The following ANKRD11 variants were observed in gnomAD, a reference collection of about 807,000 sequenced individuals.
ANKRD11 encodes ankyrin repeat domain-containing protein 11.
Under a neutral mutation model 195.7 loss-of-function variants are expected in ANKRD11, and 17 were observed. The ratio of observed to expected loss-of-function variants is 0.09; its 90% CI spans 0.06 to 0.13. The LOEUF (loss-of-function observed/expected upper bound fraction) is 0.13. Ranked by LOEUF, ANKRD11 falls within the 10% of genes least tolerant of loss-of-function variation. The pLI is 1.00. For missense variants in ANKRD11, 3,735 were observed against 3,566.1 expected (o/e 1.05, Z -1.21); for synonymous variants, 1,953 against 1,528.1 (o/e 1.28, Z -6.49).
chr16:89,481,454 C>T (rs1057183235), intron 1 of ANKRD11, among the ~76,000 whole-genome samples: 29 of 152,122 alleles, frequency 1.9e-4, no homozygotes, highest in African/African-American at 6.5e-4. Flanking sequence ...CCACTCATGA[C>T]GTTGACGCAG....
chr16:89,443,363 G>C (rs1416277833), intron 1 of ANKRD11: 1 of 152,144 alleles, frequency 6.6e-6, no homozygotes. Context: ...GAACAACAGA[G>C]ACGATTACCA....
At position 89,285,057 on chromosome 16, in the gene ANKRD11, A is replaced by G; in HGVS notation, c.1485T>C (p.Ser495=). Residue 495 remains serine (S), a synonymous_variant, in exon 9 of 13, where the codon TCT becomes TCC. Coordinates refer to ENST00000301030, the MANE Select transcript of ANKRD11 (RefSeq NM_013275.6). The surrounding 1 kb of genome is among the most constrained non-coding windows in gnomAD (Gnocchi z 5.6). ...CCTTGAGGCAGCCAGAGCTCCCCAGAGAGTCCCTGTCATCCTCCCCACTCT... is the reference window on the plus strand; with the variant it reads ...CCTTGAGGCAGCCAGAGCTCCCCAGGGAGTCCCTGTCATCCTCCCCACTCT... ...SSESGEDDRD[S]LGSSGCLKGS... is the part of the protein sequence containing the mutation. 1 of 1,613,934 alleles carries G rather than the reference A, an allele frequency of 6.2e-7. No homozygotes were observed. Among genetic ancestry groups the G allele is most frequent in the Non-Finnish European group, 8.5e-7 (1 of 1,180,022 alleles).
chr16:89,437,485 ACT>A (rs1233019200), intron 1 of ANKRD11, among the ~76,000 whole-genome samples: 1 of 150,034 alleles, frequency 6.7e-6, no homozygotes, highest in African/African-American at 2.5e-5. Flanking sequence ...TGTGCCTCCC[ACT>A]CTCTCACTGA....
At chr16:89,450,340 CAG>C (rs1478834647) in intron 1 of ANKRD11, among the ~76,000 whole-genome samples, 10 of 152,292 alleles carry the variant, frequency 6.6e-5, no homozygotes, top group African/African-American at 2.4e-4. Context: ...ACATAAGACT[CAG>C]AGACAGAATG....
At position 89,282,699 on chromosome 16, in the gene ANKRD11, A is replaced by T. The variant is rs746323715; in HGVS notation, c.3843T>A (p.Leu1281=). The T allele has an allele frequency of 1.9e-6, 3 of 1,613,656 alleles. No individual in the cohort carries two copies. Among genetic ancestry groups the T allele is most frequent in the Non-Finnish European group, 2.5e-6 (3 of 1,179,966 alleles). The change falls in exon 9 of 13, where the codon CTT becomes CTA. Residue 1281 remains leucine, a synonymous_variant. Coordinates refer to ENST00000301030, the MANE Select transcript of ANKRD11 (RefSeq NM_013275.6). ...SRSADAEKSL[L]EKLEEEALHE... Reference sequence around the variant, plus strand: ...GGAGAGCCTCTTCTTCCAACTTTTCAAGCAGGCTTTTTTCCGCGTCGGCAC... The same window carrying T: ...GGAGAGCCTCTTCTTCCAACTTTTCTAGCAGGCTTTTTTCCGCGTCGGCAC...
chr16:89,278,826 G>A (rs1193427435), intron 9 of ANKRD11: 3 of 684,452 alleles, frequency 4.4e-6, no homozygotes, highest in Non-Finnish European at 2.6e-6. Context: ...GGGTGAGGGG[G>A]AGGTCAGGAG....
chr16:89,327,188 C>A (rs2037783291), intron 2 of ANKRD11, among the ~76,000 whole-genome samples: 1 of 152,218 alleles, frequency 6.6e-6, no homozygotes, highest in Non-Finnish European at 1.5e-5. Flanking sequence ...CAGTCAACGT[C>A]ACCCAGCATG....
intron 11 of ANKRD11, among the ~76,000 whole-genome samples, chr16:89,273,739 G>C (rs1009286200): frequency 6.6e-6 from 1 of 152,046 alleles, no homozygotes; most frequent in Admixed American, 6.6e-5. Flanking sequence ...GTATATGAGA[G>C]ACATTGATAA....
At chr16:89,362,780 C>T (rs371814312) in intron 2 of ANKRD11, among the ~76,000 whole-genome samples, 5 of 152,300 alleles carry the variant, frequency 3.3e-5, no homozygotes, top group African/African-American at 1.2e-4. Context: ...ACGGCCTGTT[C>T]CTCTTCCTTA....
intron 1 of ANKRD11, among the ~76,000 whole-genome samples, chr16:89,428,511 C>T (rs775911751): frequency 4.0e-5 from 6 of 150,820 alleles, no homozygotes; most frequent in Non-Finnish European, 7.4e-5. Flanking sequence ...GGTGACAGAG[C>T]GAGACTACAT....
chr16:89,416,375 C>A (rs572639458), intron 2 of ANKRD11, among the ~76,000 whole-genome samples: 3 of 152,164 alleles, frequency 2.0e-5, no homozygotes, highest in South Asian at 2.1e-4. Flanking sequence ...TCTTGGCTCA[C>A]TGAAACCTCC....
intron 2 of ANKRD11, among the ~76,000 whole-genome samples, chr16:89,328,361 G>T (rs1351564268): frequency 6.6e-6 from 1 of 152,192 alleles, no homozygotes; most frequent in Non-Finnish European, 1.5e-5. Context: ...CTGAGAAAAT[G>T]GAACCTCATG....
chr16:89,465,014 T>A (rs1252938195), intron 1 of ANKRD11, among the ~76,000 whole-genome samples: 1 of 152,250 alleles, frequency 6.6e-6, no homozygotes, highest in East Asian at 1.9e-4. Flanking sequence ...TATACCTGGT[T>A]GAAAAAGAAA....
chr16:89,319,531 TG>T (rs2037174450), intron 2 of ANKRD11, among the ~76,000 whole-genome samples: 2 of 152,340 alleles, frequency 1.3e-5, no homozygotes, highest in South Asian at 4.1e-4. Flanking sequence ...ATCCAGGCCG[TG>T]GCCCTTCCAG....
chr16:89,446,820 G>A (rs567296087), intron 1 of ANKRD11, among the ~76,000 whole-genome samples: 11 of 151,964 alleles, frequency 7.2e-5, no homozygotes, highest in Non-Finnish European at 1.2e-4. Context: ...TCGAGCATCC[G>A]CTTCTCTCCT....
intron 2 of ANKRD11, chr16:89,392,597 A>C (rs920325288): frequency 6.6e-6 from 1 of 151,866 alleles, no homozygotes. Context: ...GTGTTGAAGC[A>C]GACCTGTCTT....
intron 1 of ANKRD11, among the ~76,000 whole-genome samples, chr16:89,453,213 T>C (rs2152318303): frequency 6.6e-6 from 1 of 152,350 alleles, no homozygotes; most frequent in African/African-American, 2.4e-5. Flanking sequence ...ATTAAGTGCA[T>C]TTCTTAGATA....
chr16:89,446,919 T>G (rs1567818126), intron 1 of ANKRD11, among the ~76,000 whole-genome samples: 1 of 152,056 alleles, frequency 6.6e-6, no homozygotes, highest in Non-Finnish European at 1.5e-5. Context: ...TCCCTGCAGT[T>G]CCAGGGACAG....
chr16:89,320,745 A>T (rs1451648145), intron 2 of ANKRD11, among the ~76,000 whole-genome samples: 1 of 152,072 alleles, frequency 6.6e-6, no homozygotes, highest in Non-Finnish European at 1.5e-5. Flanking sequence ...ATAAGACACA[A>T]CTCAGCCCAG....
Sources: allele counts gnomAD v4.1 joint callset (sites outside exome capture counted in the v4.1 genomes callset), GRCh38; gene constraint gnomAD v4.1.1; non-coding constraint Gnocchi (gnomAD v3.1); transcripts MANE v1.5; gene names NCBI Gene and HGNC (gene_info 2026-07-23, HGNC 2026-07-21).